Variants in DYM observed in about 807,000 individuals in gnomAD.
The protein encoded by DYM is dyggve-Melchior-Clausen syndrome protein.
DYM carries 78 observed loss-of-function variants against 93.1 expected under a neutral mutation model. That is an observed-to-expected ratio of 0.84 (90% CI 0.70 to 1.01). The LOEUF is 1.01. Ranked by LOEUF, DYM falls within the 50% of genes least tolerant of loss-of-function variation. The pLI, the probability that DYM is intolerant of heterozygous loss-of-function variation, is 0.00. For missense variants in DYM, 789 were observed against 845.0 expected, an observed-to-expected ratio of 0.93 and a Z score of 0.82; for synonymous variants, 321 against 319.7, an observed-to-expected ratio of 1.00 and a Z score of -0.04.
At chr18:49,080,506 C>T (rs2077820755) in intron 17 of DYM, among the ~76,000 whole-genome samples, 1 of 142,778 alleles carries the variant, frequency 7.0e-6, no homozygotes, top group Non-Finnish European at 1.5e-5. Context: ...GCTGGCCGGG[C>T]AGAGGGGCTC....
chr18:49,223,077 A>T (rs1044538082), intron 13 of DYM, among the ~76,000 whole-genome samples: 3 of 152,144 alleles, frequency 2.0e-5, no homozygotes, highest in Admixed American at 6.6e-5. Context: ...CATCTAAATG[A>T]TCTATCATCT....
Position 49,364,972 on chromosome 18 carries a change from T to C in DYM, c.422-1739A>G, listed in dbSNP as rs534859507. On this transcript the variant is annotated intron_variant, in intron 5 of 17. Transcript: ENST00000675505. The stretch of plus-strand genomic sequence containing the variant: ...TGCCTCTTGCGTTGCATATGTTGGT[T>C]ACATTATGCCATCATTTTTTGTCTA... Among the ~76,000 whole-genome samples, 5 of 152,296 alleles carry C rather than the reference T, an allele frequency of 3.3e-5. No individual in the cohort carries two copies. In the East Asian group the frequency reaches 5.8e-4, roughly 18 times the overall value.
At chr18:49,207,918 C>T (rs563398403) in intron 14 of DYM, among the ~76,000 whole-genome samples, 1 of 152,202 alleles carries the variant, frequency 6.6e-6, no homozygotes, top group East Asian at 1.9e-4. Flanking sequence ...TGTAGTGGCT[C>T]ACACCTGTAA....
At chr18:49,396,362 A>G (rs2070087422) in intron 2 of DYM, among the ~76,000 whole-genome samples, 1 of 152,130 alleles carries the variant, frequency 6.6e-6, no homozygotes, top group South Asian at 2.1e-4. Context: ...AGCATCCCTT[A>G]CCCAAAATGC....
intron 2 of DYM, among the ~76,000 whole-genome samples, chr18:49,398,329 T>A (rs1469806007): frequency 6.6e-6 from 1 of 152,118 alleles, no homozygotes; most frequent in East Asian, 1.9e-4. Flanking sequence ...CACCTACTTT[T>A]CGGAGGTGAG....
At chr18:49,055,705 A>G (rs572321373) in intron 17 of DYM, among the ~76,000 whole-genome samples, 1 of 152,334 alleles carries the variant, frequency 6.6e-6, no homozygotes, top group East Asian at 1.9e-4. Context: ...CAAAATGCCG[A>G]GGGCCAAATG....
At chr18:49,352,684 A>T (rs1212028763) in intron 6 of DYM, among the ~76,000 whole-genome samples, 1 of 152,246 alleles carries the variant, frequency 6.6e-6, no homozygotes, top group East Asian at 1.9e-4. Flanking sequence ...TGTAAATTAT[A>T]CATCAATAAA....
At chr18:49,049,060 C>A (rs984590296) in intron 17 of DYM, among the ~76,000 whole-genome samples, 3 of 152,134 alleles carry the variant, frequency 2.0e-5, no homozygotes, top group African/African-American at 2.4e-5. Flanking sequence ...ATAGTATAAA[C>A]TTTATCTGTC....
chr18:49,452,477 T>A (rs1450106384), intron 1 of DYM, among the ~76,000 whole-genome samples: 1 of 152,044 alleles, frequency 6.6e-6, no homozygotes, highest in Non-Finnish European at 1.5e-5. Context: ...GGGTGCTGAT[T>A]GGTGCGTTTA....
At position 49,080,133 on chromosome 18, in the gene DYM, C is replaced by T. The variant is rs1361396670; in HGVS notation, c.2025+17269G>A. The stretch of plus-strand genomic sequence containing the variant: ...GGGGCTGACCCCCCCACCTCCCTCC[C>T]GGACGGGGCGGCTGGCCGGGGGGGG... On this transcript the variant is annotated intron_variant, in intron 17 of 17. Coordinates refer to ENST00000675505, the MANE Select transcript of DYM (RefSeq NM_001353214.3). Among the ~76,000 whole-genome samples, 10 of 24,456 alleles carry T rather than the reference C, an allele frequency of 4.1e-4. No homozygotes were observed. The East Asian group carries it at 4.7e-3, about 11-fold the overall frequency. 16.0% of individuals were successfully genotyped at this position (24,456 alleles called of 152,430 possible). A position where few individuals can be genotyped will look rare whatever the true frequency, so the allele number is the denominator to read the frequency against.
At chr18:49,351,069 G>A (rs1345153134) in intron 6 of DYM, among the ~76,000 whole-genome samples, 1 of 152,090 alleles carries the variant, frequency 6.6e-6, no homozygotes, top group Non-Finnish European at 1.5e-5. Flanking sequence ...TGAGATAAGA[G>A]AGGTTAAATC....
chr18:49,213,822 A>G (rs151301260), intron 13 of DYM, among the ~76,000 whole-genome samples: 8 of 152,308 alleles, frequency 5.3e-5, no homozygotes, highest in African/African-American at 1.9e-4. Flanking sequence ...AATTAATAAT[A>G]CATGTTTATG....
intron 8 of DYM, among the ~76,000 whole-genome samples, chr18:49,289,788 T>C (rs867424641): frequency 0.012 from 478 of 40,164 alleles, 8 homozygotes; most frequent in African/African-American, 0.039. Context: ...TATATATATA[T>C]ACACACATAT....
intron 6 of DYM, among the ~76,000 whole-genome samples, chr18:49,339,277 A>T (rs371215828): frequency 5.9e-5 from 9 of 152,250 alleles, no homozygotes; most frequent in East Asian, 5.8e-4. Context: ...AAAAATCCAC[A>T]GAGATATGTC....
chr18:49,148,049 T>C (rs948088841), intron 15 of DYM, among the ~76,000 whole-genome samples: 1 of 152,168 alleles, frequency 6.6e-6, no homozygotes, highest in African/African-American at 2.4e-5. Context: ...TGTAGGGACA[T>C]GGATGAAGCT....
chr18:49,276,224 C>G (rs1013550911), intron 10 of DYM, among the ~76,000 whole-genome samples: 1 of 152,048 alleles, frequency 6.6e-6, no homozygotes, highest in African/African-American at 2.4e-5. Flanking sequence ...AAGCCCTTTA[C>G]TCATCTAAGG....
chr18:49,283,695 A>G (rs948493531), intron 9 of DYM, among the ~76,000 whole-genome samples: 5 of 152,242 alleles, frequency 3.3e-5, no homozygotes. Context: ...AAAGCACCAA[A>G]TTATTTTTAA....
chr18:49,181,014 A>G (rs181492790), intron 14 of DYM, among the ~76,000 whole-genome samples: 2 of 152,142 alleles, frequency 1.3e-5, no homozygotes, highest in East Asian at 3.8e-4. Context: ...AACAAAAAAA[A>G]CTGTGCAAAC....
At chr18:49,163,967 G>C (rs534946781) in intron 14 of DYM, among the ~76,000 whole-genome samples, 180 bp from the exon 15 acceptor site, 1 of 152,078 alleles carries the variant, frequency 6.6e-6, no homozygotes, top group Admixed American at 6.5e-5. Context: ...AAAAAGGAGT[G>C]GGGAGGATGT....
Sources: allele counts gnomAD v4.1 joint callset (sites outside exome capture counted in the v4.1 genomes callset), GRCh38; gene constraint gnomAD v4.1.1; transcripts MANE v1.5; gene names NCBI Gene and HGNC (gene_info 2026-07-23, HGNC 2026-07-21).